DENND5A: variants seen among roughly 807,000 people sequenced by gnomAD.
DENND5A encodes DENN domain-containing protein 5A.
DENND5A carries 64 observed loss-of-function variants against 140.3 expected under a neutral mutation model. That is an observed-to-expected ratio of 0.46 (90% CI 0.37 to 0.56). The LOEUF (loss-of-function observed/expected upper bound fraction) is 0.56, where lower values mean the gene tolerates loss of function less well. DENND5A is among the 20% of genes least tolerant of loss of function. DENND5A has a pLI of 0.00. For synonymous variants in DENND5A, 605 were observed against 607.7 expected, an observed-to-expected ratio of 1.00 and a Z score of 0.07; for missense variants, 1,292 against 1,593.8, an observed-to-expected ratio of 0.81 and a Z score of 3.22.
intron 8 of DENND5A, among the ~76,000 whole-genome samples, chr11:9,172,427 G>A (rs1056364599): frequency 1.3e-5 from 2 of 152,198 alleles, no homozygotes; most frequent in African/African-American, 2.4e-5. Flanking sequence ...CAATGGAAGT[G>A]TAATATGGTT....
At chr11:9,227,846 C>T (rs940365811) in intron 1 of DENND5A, among the ~76,000 whole-genome samples, 1 of 151,788 alleles carries the variant, frequency 6.6e-6, no homozygotes. Context: ...GTGGCTCACG[C>T]TTGTAAATCC....
chr11:9,264,569 G>A (rs1852357813), intron 1 of DENND5A, among the ~76,000 whole-genome samples: 1 of 152,090 alleles, frequency 6.6e-6, no homozygotes, highest in African/African-American at 2.4e-5. Flanking sequence ...CCAAGTTTTT[G>A]TTTTCCTTTT....
chr11:9,169,657 G>C (rs1421001870), intron 10 of DENND5A, among the ~76,000 whole-genome samples, 199 bp downstream of exon 10: 1 of 151,974 alleles, frequency 6.6e-6, no homozygotes, highest in East Asian at 1.9e-4. Context: ...GCTGGAATTT[G>C]CAAAACATCC....
chr11:9,256,114 C>A (rs1324451714), intron 1 of DENND5A, among the ~76,000 whole-genome samples: 1 of 151,504 alleles, frequency 6.6e-6, no homozygotes, highest in Admixed American at 6.6e-5. Flanking sequence ...AAAACATAGG[C>A]CTACACACAA....
intron 16 of DENND5A, 56 bp from the exon 17 acceptor site, chr11:9,145,871 A>G: frequency 6.4e-7 from 1 of 1,574,154 alleles, no homozygotes; most frequent in Middle Eastern, 1.7e-4. Flanking sequence ...TTCCCATACC[A>G]GATGGGACTC....
chr11:9,140,880 A>C (rs1020464805), intron 22 of DENND5A, among the ~76,000 whole-genome samples: 10 of 152,208 alleles, frequency 6.6e-5, no homozygotes, highest in African/African-American at 1.7e-4. Context: ...TAATTTCAGC[A>C]CTTTGGGAGG....
intron 5 of DENND5A, among the ~76,000 whole-genome samples, chr11:9,183,390 G>A (rs1242065902): frequency 6.6e-6 from 1 of 151,664 alleles, no homozygotes; most frequent in East Asian, 1.9e-4. Flanking sequence ...ATATATGTAT[G>A]TATGCCTTTA....
intron 1 of DENND5A, among the ~76,000 whole-genome samples, chr11:9,257,260 T>C (rs550144079): frequency 6.6e-6 from 1 of 151,694 alleles, no homozygotes; most frequent in South Asian, 2.1e-4. Flanking sequence ...CCTCCCAAAG[T>C]GCTGGGATTA....
chr11:9,166,882 A>G (rs2136151095), intron 10 of DENND5A, among the ~76,000 whole-genome samples: 1 of 152,174 alleles, frequency 6.6e-6, no homozygotes, highest in Middle Eastern at 3.4e-3. Context: ...AAAAAAAGAT[A>G]CAAGAGTCAA....
chr11:9,228,110 CAAAAAAAA>C (rs548141276), intron 1 of DENND5A, among the ~76,000 whole-genome samples: 16 of 72,686 alleles, frequency 2.2e-4, no homozygotes, highest in South Asian at 1.1e-3. Context: ...GACTCCATCT[CAAAAAAAA>C]AAAAAAAAAA....
rs1377983287 is a variant in DENND5A at position 9,162,912 on chromosome 11, C to G, written c.2284-2047G>C. On this transcript the variant is annotated intron_variant, in intron 11 of 22. Coordinates refer to ENST00000328194, the MANE Select transcript of DENND5A (RefSeq NM_015213.4). ...AGAAACTGGGTCTCAGCATGTTGCC[C>G]TGGCTGGAACCGAACTCCCAGGCTC... 2.0e-5 allele frequency among the ~76,000 whole-genome samples: 3 copies of G among 150,478 alleles called. No homozygotes were observed. In the East Asian group the frequency reaches 5.8e-4, roughly 29 times the overall value.
chr11:9,145,546 G>A, intron 17 of DENND5A, 124 bp downstream of exon 17: 2 of 1,074,660 alleles, frequency 1.9e-6, no homozygotes, highest in Non-Finnish European at 2.7e-6. Flanking sequence ...TCTCAGGAAG[G>A]TCAGCTATGC....
chr11:9,225,834 C>T (rs919024853), intron 1 of DENND5A, among the ~76,000 whole-genome samples: 6 of 152,056 alleles, frequency 3.9e-5, no homozygotes, highest in Admixed American at 3.3e-4. Context: ...CCTGTAATCC[C>T]AGCACTTTGG....
At chr11:9,214,993 C>T (rs555974322) in intron 1 of DENND5A, among the ~76,000 whole-genome samples, 1 of 152,296 alleles carries the variant, frequency 6.6e-6, no homozygotes, top group South Asian at 2.1e-4. Flanking sequence ...TCCCAAAGTG[C>T]TGGGATTACA....
At chr11:9,257,432 TAAA>T (rs71062819) in intron 1 of DENND5A, among the ~76,000 whole-genome samples, 5 of 118,616 alleles carry the variant, frequency 4.2e-5, no homozygotes, top group African/African-American at 6.2e-5. Flanking sequence ...CTCTGTCTCT[TAAA>T]AAAAAAAAAA....
intron 1 of DENND5A, among the ~76,000 whole-genome samples, chr11:9,211,171 C>G (rs569339405): frequency 1.4e-3 from 215 of 152,268 alleles, no homozygotes; most frequent in Non-Finnish European, 2.7e-3. Flanking sequence ...CATAATCTTA[C>G]TAGCTTAAGA....
intron 15 of DENND5A, 146 bp from the exon 16 acceptor site, chr11:9,147,297 T>C: frequency 1.3e-6 from 1 of 786,626 alleles, no homozygotes; most frequent in East Asian, 2.7e-5. Context: ...GGAACAAAGC[T>C]AGCTACTCTA....
chr11:9,189,766 G>A (rs952549332), intron 5 of DENND5A, among the ~76,000 whole-genome samples: 49 of 152,212 alleles, frequency 3.2e-4, no homozygotes, highest in African/African-American at 9.6e-4. Flanking sequence ...TCAGCCTCTC[G>A]AGTAGGTGGG....
intron 1 of DENND5A, among the ~76,000 whole-genome samples, chr11:9,241,519 CACTT>C (rs879694621): frequency 1.3e-5 from 2 of 152,196 alleles, no homozygotes; most frequent in African/African-American, 2.4e-5. Flanking sequence ...CTTGTCCCCT[CACTT>C]ACTACCTCCA....
Sources: gnomAD v4.1 joint callset for allele counts (sites outside exome capture counted in the v4.1 genomes callset) on GRCh38, gnomAD v4.1.1 for gene constraint, MANE v1.5 for transcripts, NCBI Gene and HGNC (gene_info 2026-07-23, HGNC 2026-07-21) for gene names.